The following KCNMB2 variants were observed in gnomAD, a reference collection of about 807,000 sequenced individuals.
KCNMB2 encodes potassium calcium-activated channel subfamily M regulatory beta subunit 2.
Under a neutral mutation model 24.5 loss-of-function variants are expected in KCNMB2, and 9 were observed. The ratio of observed to expected loss-of-function variants is 0.37; its 90% CI spans 0.22 to 0.64. KCNMB2 has a LOEUF of 0.64. Among genes scored for constraint, KCNMB2 ranks in the 30% least tolerant of loss-of-function variants. The probability of loss-of-function intolerance (pLI) is 0.63; values close to 1 mark genes in which losing one functional copy is unlikely to be tolerated. For synonymous variants in KCNMB2, 109 were observed against 104.4 expected, an observed-to-expected ratio of 1.04 and a Z score of -0.27; for missense variants, 226 against 284.3, an observed-to-expected ratio of 0.79 and a Z score of 1.47.
chr3:178,586,539 T>TTTTTTTTTCTTTCC, intron 1 of KCNMB2, among the ~76,000 whole-genome samples: 1 of 19,016 alleles, frequency 5.3e-5, no homozygotes, highest in Non-Finnish European at 9.4e-5. Flanking sequence ...TTTTTCTTTC[T>TTTTTTTTTCTTTCC]TTTTTTTTTT....
At chr3:178,672,509 T>A (rs1720934901) in intron 1 of KCNMB2, among the ~76,000 whole-genome samples, 1 of 152,136 alleles carries the variant, frequency 6.6e-6, no homozygotes, top group South Asian at 2.1e-4. Context: ...AGCTTGTAGT[T>A]GGATAAAGAA....
chr3:178,705,962 G>A (rs982320310), intron 1 of KCNMB2, among the ~76,000 whole-genome samples: 2 of 152,064 alleles, frequency 1.3e-5, no homozygotes, highest in Non-Finnish European at 2.9e-5. Flanking sequence ...ACATACTTTG[G>A]CCTTCATTCT....
At chr3:178,567,339 AAGTCCTG>A (rs774351526) in intron 1 of KCNMB2, among the ~76,000 whole-genome samples, 4 of 152,146 alleles carry the variant, frequency 2.6e-5, no homozygotes, top group Non-Finnish European at 4.4e-5. Context: ...GTTGGGGAGG[AAGTCCTG>A]AGCAACAAAT....
At chr3:178,684,160 T>G (rs1000958785) in intron 1 of KCNMB2, among the ~76,000 whole-genome samples, 6 of 152,134 alleles carry the variant, frequency 3.9e-5, no homozygotes, top group African/African-American at 1.4e-4. Flanking sequence ...AATGAAAACT[T>G]ATTTATTCCT....
intron 1 of KCNMB2, among the ~76,000 whole-genome samples, chr3:178,610,074 T>A (rs1718427494): frequency 6.6e-6 from 1 of 152,204 alleles, no homozygotes; most frequent in African/African-American, 2.4e-5. Flanking sequence ...TTGTCAAAAA[T>A]GAGTTCACTG....
intron 1 of KCNMB2, among the ~76,000 whole-genome samples, chr3:178,605,547 G>GT (rs1457450462): frequency 6.6e-6 from 1 of 152,158 alleles, no homozygotes; most frequent in East Asian, 1.9e-4. Context: ...ACCTTTAAAG[G>GT]TGATTCTGGT....
At chr3:178,572,457 C>G (rs577363525) in intron 1 of KCNMB2, among the ~76,000 whole-genome samples, 5 of 152,182 alleles carry the variant, frequency 3.3e-5, no homozygotes, top group Non-Finnish European at 7.3e-5. Flanking sequence ...TATCAAGAAT[C>G]TCCAACATAT....
chr3:178,636,784 C>T (rs1426432609), intron 1 of KCNMB2, among the ~76,000 whole-genome samples: 2 of 152,134 alleles, frequency 1.3e-5, no homozygotes, highest in African/African-American at 4.8e-5. Context: ...GCCAGATGTG[C>T]AGGTTTGTTA....
chr3:178,599,178 C>G (rs1717989994), intron 1 of KCNMB2, among the ~76,000 whole-genome samples: 1 of 152,136 alleles, frequency 6.6e-6, no homozygotes, highest in East Asian at 1.9e-4. Flanking sequence ...CACCAAAGCT[C>G]TAAGGTTTTA....
chr3:178,580,887 A>C (rs1013595009), intron 1 of KCNMB2, among the ~76,000 whole-genome samples: 2 of 152,186 alleles, frequency 1.3e-5, no homozygotes, highest in African/African-American at 4.8e-5. Flanking sequence ...CAAATAGAAA[A>C]ACATTCCATG....
intron 2 of KCNMB2, among the ~76,000 whole-genome samples, chr3:178,824,024 C>G (rs1368311202): frequency 6.6e-6 from 1 of 152,176 alleles, no homozygotes; most frequent in African/African-American, 2.4e-5. Context: ...GCCCTGCAAT[C>G]CAAAGCTCCC....
At chr3:178,777,237 C>G (rs1269390562) in intron 1 of KCNMB2, among the ~76,000 whole-genome samples, 1 of 152,088 alleles carries the variant, frequency 6.6e-6, no homozygotes, top group Non-Finnish European at 1.5e-5. Flanking sequence ...AGTTCAAGAC[C>G]AGCCTGGCCA....
chr3:178,834,839 G>A (rs890484044), intron 4 of KCNMB2, among the ~76,000 whole-genome samples: 29 of 152,154 alleles, frequency 1.9e-4, no homozygotes, highest in Admixed American at 7.9e-4. Context: ...GACAGCTGAA[G>A]AGGGCACCTT....
At chr3:178,592,124 G>T (rs960183666) in intron 1 of KCNMB2, among the ~76,000 whole-genome samples, 1 of 152,032 alleles carries the variant, frequency 6.6e-6, no homozygotes, top group Middle Eastern at 3.2e-3. Flanking sequence ...CTTTCCATAG[G>T]ATTTTCTTCT....
intron 1 of KCNMB2, among the ~76,000 whole-genome samples, chr3:178,616,995 C>A (rs777640548): frequency 1.3e-5 from 2 of 152,164 alleles, no homozygotes; most frequent in Non-Finnish European, 2.9e-5. Flanking sequence ...ATCTATCTCA[C>A]TGGGGAAATG....
chr3:178,834,450 TGA>T (rs1715152562), intron 4 of KCNMB2, among the ~76,000 whole-genome samples: 2 of 152,276 alleles, frequency 1.3e-5, no homozygotes, highest in South Asian at 4.2e-4. Flanking sequence ...TTTATCCTTC[TGA>T]TAGATATTTT....
At chr3:178,564,712 T>C (rs1013565097) in intron 1 of KCNMB2, among the ~76,000 whole-genome samples, 1 of 152,236 alleles carries the variant, frequency 6.6e-6, no homozygotes, top group Non-Finnish European at 1.5e-5. Flanking sequence ...ATTAACTTGA[T>C]GGATTACAAA....
rs73047803 is a variant in KCNMB2, at chr3:178,695,398, T to C, written c.-67-111945T>C. 1.7e-3 allele frequency among the ~76,000 whole-genome samples: 252 copies of C among 152,384 alleles called. 1 individual carries two copies. The highest frequency in any genetic ancestry group is 5.8e-3 in the African/African-American group (241 of 41,598). ...TTAGTGTCTGGCTCCTCGCTACTTA[T>C]GCAAATTTCTGCATTAGGCTTGACT... On this transcript the variant is annotated intron_variant, in intron 1 of 4. Transcript: ENST00000452583.
chr3:178,754,798 C>G (rs1167269640), intron 1 of KCNMB2, among the ~76,000 whole-genome samples: 2 of 152,234 alleles, frequency 1.3e-5, no homozygotes, highest in African/African-American at 2.4e-5. Flanking sequence ...CTCCCAGCTT[C>G]TAGACCAGTT....
Sources: gnomAD v4.1 joint callset for allele counts (sites outside exome capture counted in the v4.1 genomes callset) on GRCh38, gnomAD v4.1.1 for gene constraint, MANE v1.5 for transcripts, NCBI Gene and HGNC (gene_info 2026-07-23, HGNC 2026-07-21) for gene names.